CHD5: variants seen among roughly 807,000 people sequenced by gnomAD.
CHD5 encodes the protein chromodomain helicase DNA binding protein 5.
CHD5 carries 69 observed loss-of-function variants against 230.3 expected under a neutral mutation model. The observed-to-expected ratio is 0.30, with a 90% CI of 0.25 to 0.37. The LOEUF (loss-of-function observed/expected upper bound fraction) is 0.37. CHD5 is among the 10% of genes least tolerant of loss of function. CHD5 has a pLI of 1.00. For missense variants in CHD5, 1,827 were observed against 2,622.8 expected (o/e 0.70, Z 6.63); for synonymous variants, 1,064 against 1,065.9 (o/e 1.00, Z 0.03).
rs546334227 is a variant in CHD5 at position 6,140,458 on chromosome 1, A to G, written c.2436+1670T>C. 1.4e-3 allele frequency among the ~76,000 whole-genome samples: 215 copies of G among 152,068 alleles called. 1 individual carries two copies. The highest frequency in any genetic ancestry group is 2.6e-3 in the Non-Finnish European group (176 of 67,990). On this transcript the variant is annotated intron_variant, in intron 15 of 41. Coordinates refer to ENST00000262450, the MANE Select transcript of CHD5 (RefSeq NM_015557.3). ...GCAGAGGCTCGGGCCCCACCCCAGC[A>G]CTGCTGGGTCAGAGACTGTGCTTTA...
intron 9 of CHD5, among the ~76,000 whole-genome samples, chr1:6,147,534 G>A (rs1289862381): frequency 6.6e-6 from 1 of 152,216 alleles, no homozygotes; most frequent in Non-Finnish European, 1.5e-5. Context: ...ACACCACTCG[G>A]GCCCTGAGAT....
intron 1 of CHD5, among the ~76,000 whole-genome samples, chr1:6,170,001 G>A (rs1216656446): frequency 6.6e-6 from 1 of 152,108 alleles, no homozygotes; most frequent in Non-Finnish European, 1.5e-5. Flanking sequence ...AGGTCCTGGG[G>A]CCACCAGGAG....
chr1:6,175,159 T>A (rs1307230876), intron 1 of CHD5, among the ~76,000 whole-genome samples: 1 of 148,148 alleles, frequency 6.8e-6, no homozygotes, highest in African/African-American at 2.5e-5. Flanking sequence ...GATGGATGGA[T>A]GGTGGGCGGA....
intron 1 of CHD5, among the ~76,000 whole-genome samples, chr1:6,170,192 G>A (rs932971580): frequency 1.1e-4 from 16 of 152,088 alleles, no homozygotes; most frequent in African/African-American, 3.4e-4. Flanking sequence ...GCTTCGAGGC[G>A]ACCCCCAGTG....
intron 1 of CHD5, among the ~76,000 whole-genome samples, chr1:6,172,538 A>T (rs1316790466): frequency 2.0e-5 from 3 of 152,040 alleles, no homozygotes; most frequent in African/African-American, 7.3e-5. Context: ...CTGAGGCTCA[A>T]AGGACCTCAT....
rs756334293 is a variant in CHD5 at position 6,126,714 on chromosome 1, C to A, written c.3936G>T (p.Glu1312Asp). ...CCCAGTAGTCGGGGTCCACGTTCTC[C>A]TCCTGCTTGATGATTTCCCGCTCCA... ...EEVEREIIKQ[E>D]ENVDPDYWEK... The change falls in exon 26 of 42, where the codon GAG (glutamate) becomes GAT (aspartate). Residue 1312 changes from glutamate (E) to aspartate (D), a missense_variant. Physicochemically the swap from Glu to Asp is conservative, Grantham distance 45 (BLOSUM62 2). Transcript: ENST00000262450. This position sits in a 1 kb window ranked among gnomAD's most constrained non-coding sequence, Gnocchi z 5.7. 6.2e-7 allele frequency: 1 copy of A among 1,613,952 alleles called. No individual in the cohort carries two copies. The highest frequency in any genetic ancestry group is 1.1e-5 in the South Asian group (1 of 91,066).
In CHD5 at chr1:6,124,003, G is replaced by A. The variant is rs1571145458; in HGVS notation, c.4644C>T (p.Asn1548=). Residue 1548 remains asparagine (N), a synonymous_variant, in exon 31 of 42, where the codon AAC becomes AAT. Transcript: ENST00000262450. ...GGGCAGGGCTGGCGGGCACTGGTGT[G>A]TTGGGGTCCGAGGAGATCACCTCGC... ...KSGEVISSDP[N]TPVPASPAHL... The A allele has an allele frequency of 3.1e-6, 5 of 1,611,450 alleles. No homozygotes were observed. Among genetic ancestry groups the A allele is most frequent in the Non-Finnish European group, 4.2e-6 (5 of 1,179,374 alleles).
At chr1:6,109,157 G>A (rs1358769237) in intron 38 of CHD5, among the ~76,000 whole-genome samples, 1 of 152,046 alleles carries the variant, frequency 6.6e-6, no homozygotes, top group Non-Finnish European at 1.5e-5. Flanking sequence ...CCAGCCAGAA[G>A]CGCTGCCTGA....
chr1:6,160,236 G>GA (rs1438824620), intron 2 of CHD5, among the ~76,000 whole-genome samples: 7 of 69,768 alleles, frequency 1.0e-4, no homozygotes, highest in African/African-American at 5.2e-4. Context: ...GCCAGAGAAG[G>GA]GCCCCAGCCA....
At chr1:6,113,415 C>A in intron 33 of CHD5, 2 of 347,280 alleles carry the variant, frequency 5.8e-6, no homozygotes, top group South Asian at 4.4e-5. Flanking sequence ...CAGAGCAAGA[C>A]GCTGTTTCAA....
At position 6,142,608 on chromosome 1, in the gene CHD5, G is replaced by A. The variant is rs1395910724; in HGVS notation, c.2044-3C>T. 1 of 1,607,738 alleles carries A rather than the reference G, an allele frequency of 6.2e-7. No homozygotes were observed. Among genetic ancestry groups the A allele is most frequent in the Admixed American group, 1.7e-5 (1 of 59,838 alleles). ...TGCTTGTCGAACTTGACCGTGGGCTGCAGGGGAGGCAGCGGTTCAGACACG... is the reference window on the plus strand; with the variant it reads ...TGCTTGTCGAACTTGACCGTGGGCTACAGGGGAGGCAGCGGTTCAGACACG... On this transcript the variant is annotated splice_region_variant and splice_polypyrimidine_tract_variant and intron_variant, in intron 13 of 41. Transcript: ENST00000262450. This position sits in a 1 kb window ranked among gnomAD's most constrained non-coding sequence, Gnocchi z 5.2.
At chr1:6,127,563 G>A (rs2100845062) in intron 25 of CHD5, among the ~76,000 whole-genome samples, 1 of 152,272 alleles carries the variant, frequency 6.6e-6, no homozygotes, top group East Asian at 1.9e-4. Flanking sequence ...TGCAGGCCCT[G>A]AGGAAGGGGC....
At chr1:6,115,525 G>A (rs181493412) in intron 33 of CHD5, among the ~76,000 whole-genome samples, 10 of 152,276 alleles carry the variant, frequency 6.6e-5, no homozygotes, top group East Asian at 1.9e-4. Context: ...TCAAGGATGC[G>A]AAGCACGGGA....
chr1:6,134,415 C>T lies in CHD5; in HGVS notation c.3013-156G>A, dbSNP rs1666706209. Among the ~76,000 whole-genome samples, 4 of 152,192 alleles carry T rather than the reference C, an allele frequency of 2.6e-5. No homozygotes were observed. The highest frequency in any genetic ancestry group is 2.6e-4 in the Admixed American group (4 of 15,286). On this transcript the variant is annotated intron_variant, in intron 19 of 41. Coordinates refer to ENST00000262450, the MANE Select transcript of CHD5 (RefSeq NM_015557.3). The surrounding 1 kb of genome is among the most constrained non-coding windows in gnomAD (Gnocchi z 6.3). ...ACCCACACCCGAGCCAGGCCAGGCC[C>T]CACAGTGCGGGGTAGACCGTGGGTC...
intron 20 of CHD5, among the ~76,000 whole-genome samples, chr1:6,132,382 G>A (rs1358740596): frequency 6.6e-6 from 1 of 152,122 alleles, no homozygotes; most frequent in Non-Finnish European, 1.5e-5. Flanking sequence ...TTATTTTGTA[G>A]GTACTAGGTC....
intron 33 of CHD5, among the ~76,000 whole-genome samples, chr1:6,120,501 TAAA>T (rs5772220): frequency 9.1e-6 from 1 of 109,998 alleles, no homozygotes; most frequent in African/African-American, 3.4e-5. Context: ...TACTAAAAAT[TAAA>T]AAAAAAAAAA....
intron 15 of CHD5, among the ~76,000 whole-genome samples, chr1:6,140,961 G>T (rs1228163565): frequency 1.2e-5 from 1 of 83,954 alleles, no homozygotes; most frequent in East Asian, 2.7e-4. Context: ...GCGAGACCCT[G>T]TCTCAAAATA....
At chr1:6,148,813 G>T in intron 9 of CHD5, 41 bp downstream of exon 9, 1 of 1,461,340 alleles carries the variant, frequency 6.8e-7, no homozygotes. Context: ...TGTTCCTGGG[G>T]TGGGGCGGGG....
intron 2 of CHD5, 97 bp from the exon 3 acceptor site, chr1:6,159,612 G>A (rs962368000): frequency 2.0e-5 from 19 of 960,012 alleles, no homozygotes; most frequent in East Asian, 2.6e-5. Flanking sequence ...CCTGGCCCAC[G>A]CTGGGGATCG....
Sources: allele counts gnomAD v4.1 joint callset (sites outside exome capture counted in the v4.1 genomes callset), GRCh38; gene constraint gnomAD v4.1.1; non-coding constraint Gnocchi (gnomAD v3.1); transcripts MANE v1.5; gene names NCBI Gene and HGNC (gene_info 2026-07-23, HGNC 2026-07-21).